Variants in ATP9B observed in about 807,000 individuals in gnomAD.
ATP9B encodes the protein ATPase phospholipid transporting 9B, also known as probable phospholipid-transporting ATPase IIB.
ATP9B carries 110 observed loss-of-function variants against 146.1 expected under a neutral mutation model. The observed-to-expected ratio is 0.75, with a 90% CI of 0.65 to 0.88. ATP9B has a LOEUF of 0.88. ATP9B is among the 40% of genes least tolerant of loss of function. The pLI is 0.00. For synonymous variants in ATP9B, 604 were observed against 569.7 expected, an observed-to-expected ratio of 1.06 and a Z score of -0.86; for missense variants, 1,499 against 1,496.4, an observed-to-expected ratio of 1.00 and a Z score of -0.03.
chr18:79,069,421 A>G lies in ATP9B; in HGVS notation c.11A>G (p.Gln4Arg), dbSNP rs2071422427. The G allele has an allele frequency of 2.6e-6, 4 of 1,518,968 alleles. No individual in the cohort carries two copies. Among genetic ancestry groups the G allele is most frequent in the Non-Finnish European group, 3.5e-6 (4 of 1,136,640 alleles). 94.1% of individuals were successfully genotyped at this position (1,518,968 alleles called of 1,614,324 possible). MADQIPLYPVRSAA... is the reference protein window; with the variant it reads MADRIPLYPVRSAA... ...AGGGGCGGTCGGAACATGGCGGACC[A>G]GATCCCGCTTTACCCGGTGCGTAGC... is the stretch of plus-strand genomic sequence containing the variant. Residue 4 changes from glutamine to arginine, a missense_variant, in exon 1 of 30, where the codon CAG (glutamine) becomes CGG (arginine). Transcript: ENST00000426216.
intron 15 of ATP9B, among the ~76,000 whole-genome samples, chr18:79,327,211 G>A (rs1228385381): frequency 6.6e-6 from 1 of 152,234 alleles, no homozygotes; most frequent in Non-Finnish European, 1.5e-5. Flanking sequence ...AAAACTGTTT[G>A]GCTGAGAGTG....
chr18:79,348,934 A>G (rs2096907418), intron 25 of ATP9B, among the ~76,000 whole-genome samples: 1 of 152,264 alleles, frequency 6.6e-6, no homozygotes, highest in Admixed American at 6.5e-5. Context: ...CAGTGAGCTA[A>G]GATCGTGCCA....
rs186215604 is a variant in ATP9B, at chr18:79,356,758, G to C, written c.2904-2596G>C. Among the ~76,000 whole-genome samples the C allele has an allele frequency of 3.2e-3, 484 of 152,368 alleles. 3 individuals are homozygous for C. Among genetic ancestry groups the C allele is most frequent in the African/African-American group, 0.011 (460 of 41,590 alleles). On this transcript the variant is annotated intron_variant, in intron 25 of 29. Coordinates refer to ENST00000426216, the MANE Select transcript of ATP9B (RefSeq NM_198531.5). ...TAGGGAGGAGGCAGCAGAGGGAAGTGGTTGCAGCTGCAGAGCAGCCGCAGG... is the reference window on the plus strand; with the variant it reads ...TAGGGAGGAGGCAGCAGAGGGAAGTCGTTGCAGCTGCAGAGCAGCCGCAGG...
At chr18:79,293,235 T>C (rs2096524693) in intron 13 of ATP9B, among the ~76,000 whole-genome samples, 2 of 151,922 alleles carry the variant, frequency 1.3e-5, no homozygotes, top group South Asian at 2.1e-4. Flanking sequence ...ACTAAAATTA[T>C]AGTATTTTTA....
chr18:79,226,814 A>G (rs1568445379), intron 11 of ATP9B, among the ~76,000 whole-genome samples: 1 of 152,218 alleles, frequency 6.6e-6, no homozygotes, highest in East Asian at 1.9e-4. Flanking sequence ...GTGCTCTGGT[A>G]GCGTAGAGAC....
chr18:79,194,823 C>CT (rs1201435028), intron 9 of ATP9B, among the ~76,000 whole-genome samples: 2 of 152,124 alleles, frequency 1.3e-5, no homozygotes, highest in African/African-American at 4.8e-5. Context: ...GCTCCAGAGC[C>CT]AGGATGGTGC....
chr18:79,344,351 G>A lies in ATP9B; in HGVS notation c.2469G>A (p.Leu823=). Reference sequence around the variant, plus strand: ...CACTAGTCATATCTGGGGACTCTCTGGAGGTAAGGCTGGACCCTGAGTGAG... The same window carrying A: ...CACTAGTCATATCTGGGGACTCTCTAGAGGTAAGGCTGGACCCTGAGTGAG... ...DCALVISGDS[L]EVCLKYYEHE... The change falls in exon 21 of 30, where the codon CTG becomes CTA. Residue 823 remains leucine, a synonymous_variant. Coordinates refer to ENST00000426216, the MANE Select transcript of ATP9B (RefSeq NM_198531.5). 1.2e-6 allele frequency: 2 copies of A among 1,614,094 alleles called. No individual in the cohort carries two copies. Among genetic ancestry groups the A allele is most frequent in the South Asian group, 2.2e-5 (2 of 91,068 alleles).
chr18:79,125,313 G>T (rs2094264764), intron 4 of ATP9B, among the ~76,000 whole-genome samples: 1 of 152,110 alleles, frequency 6.6e-6, no homozygotes, highest in South Asian at 2.1e-4. Flanking sequence ...AGGCTGTCAG[G>T]TTGATTTTGA....
At chr18:79,134,636 C>G (rs557710683) in intron 5 of ATP9B, among the ~76,000 whole-genome samples, 3 of 152,204 alleles carry the variant, frequency 2.0e-5, no homozygotes, top group Non-Finnish European at 4.4e-5. Context: ...CCTTCCTTGC[C>G]CACTCATTCC....
At chr18:79,143,315 T>A (rs1367460614) in intron 5 of ATP9B, among the ~76,000 whole-genome samples, 1 of 152,226 alleles carries the variant, frequency 6.6e-6, no homozygotes, top group Non-Finnish European at 1.5e-5. Flanking sequence ...GTTTTAGATA[T>A]AACTTTTTCA....
intron 10 of ATP9B, among the ~76,000 whole-genome samples, chr18:79,210,416 C>T (rs1403676995): frequency 6.6e-6 from 1 of 151,984 alleles, no homozygotes. Context: ...GTGTCTAGAC[C>T]TGGGTGAGGG....
chr18:79,261,564 A>G (rs1232135659), intron 12 of ATP9B, among the ~76,000 whole-genome samples: 1 of 152,038 alleles, frequency 6.6e-6, no homozygotes, highest in African/African-American at 2.4e-5. Flanking sequence ...ACCACCCCCG[A>G]CCAGTCCAGG....
chr18:79,152,051 T>C (rs1181630016), intron 6 of ATP9B, among the ~76,000 whole-genome samples: 1 of 152,204 alleles, frequency 6.6e-6, no homozygotes, highest in Non-Finnish European at 1.5e-5. Context: ...AAGACATTTA[T>C]GCAGCCAACA....
intron 10 of ATP9B, among the ~76,000 whole-genome samples, chr18:79,211,986 C>T (rs969447545): frequency 2.6e-5 from 4 of 152,204 alleles, no homozygotes; most frequent in Non-Finnish European, 5.9e-5. Flanking sequence ...TTATCTTATA[C>T]GACACAAAAT....
At chr18:79,206,247 G>A (rs899304369) in intron 9 of ATP9B, among the ~76,000 whole-genome samples, 8 of 151,884 alleles carry the variant, frequency 5.3e-5, no homozygotes, top group African/African-American at 1.9e-4. Context: ...GCCAATAATA[G>A]CATACTTCTA....
In ATP9B at chr18:79,215,937, G is replaced by A. The variant is rs920970492; in HGVS notation, c.1107+1899G>A. 5.3e-5 allele frequency among the ~76,000 whole-genome samples: 8 copies of A among 152,242 alleles called. No individual in the cohort carries two copies. In the South Asian group the frequency reaches 8.3e-4, roughly 16 times the overall value. ...ACTCCTGACCTCAAGTGATCTGCTC[G>A]CCTCAGCCTCCCAAAGTGCTAGGAT... On this transcript the variant is annotated intron_variant, in intron 11 of 29. Coordinates refer to ENST00000426216, the MANE Select transcript of ATP9B (RefSeq NM_198531.5).
chr18:79,084,830 C>T (rs1017346396), intron 1 of ATP9B, among the ~76,000 whole-genome samples: 3 of 152,070 alleles, frequency 2.0e-5, no homozygotes, highest in Non-Finnish European at 4.4e-5. Context: ...CTTTAGGACA[C>T]AGTGTATTTA....
chr18:79,272,839 A>C (rs2096270280), intron 12 of ATP9B, among the ~76,000 whole-genome samples: 1 of 152,250 alleles, frequency 6.6e-6, no homozygotes, highest in Non-Finnish European at 1.5e-5. Context: ...GCTGTTCCCG[A>C]GGCTCAGAAA....
intron 1 of ATP9B, among the ~76,000 whole-genome samples, chr18:79,077,212 T>C (rs1052638167): frequency 6.6e-6 from 1 of 152,194 alleles, no homozygotes; most frequent in African/African-American, 2.4e-5. Context: ...TTTTGGGTAT[T>C]ATGTTATGAG....
Sources: allele counts gnomAD v4.1 joint callset (sites outside exome capture counted in the v4.1 genomes callset), GRCh38; gene constraint gnomAD v4.1.1; transcripts MANE v1.5; gene names NCBI Gene and HGNC (gene_info 2026-07-23, HGNC 2026-07-21).